KLRG1: variants seen among roughly 807,000 people sequenced by gnomAD.
KLRG1 encodes killer cell lectin like receptor G1.
KLRG1 carries 16 observed loss-of-function variants against 21.8 expected under a neutral mutation model. The ratio of observed to expected loss-of-function variants is 0.73; its 90% CI spans 0.50 to 1.11. KLRG1 has a LOEUF of 1.11. Among genes scored for constraint, KLRG1 ranks in the 50% most tolerant of loss-of-function variants. KLRG1 has a pLI of 0.00. For missense variants in KLRG1, 173 were observed against 218.3 expected, an observed-to-expected ratio of 0.79 and a Z score of 1.31; for synonymous variants, 69 against 75.9, an observed-to-expected ratio of 0.91 and a Z score of 0.47.
At chr12:9,023,225 G>A in the KLRG1 span, among the ~76,000 whole-genome samples, 1 of 152,314 alleles carries the variant, frequency 6.6e-6, no homozygotes, top group Admixed American at 6.5e-5. Context: ...TCTCCAGGTA[G>A]ATAGTATCGG....
intron 1 of KLRG1, among the ~76,000 whole-genome samples, chr12:8,976,557 G>A (rs114362340): frequency 3.9e-5 from 6 of 152,164 alleles, no homozygotes; most frequent in African/African-American, 7.2e-5. Flanking sequence ...GAAAGTGGGG[G>A]TAGTGAGGTC....
intron 1 of KLRG1, among the ~76,000 whole-genome samples, chr12:8,959,820 T>A (rs1203890153): frequency 3.3e-5 from 5 of 152,214 alleles, no homozygotes; most frequent in African/African-American, 1.2e-4. Flanking sequence ...TTGTGAAAAA[T>A]TTATTTTGTG....
At chr12:9,152,242 G>C in the KLRG1 span, 1 of 1,610,524 alleles carries the variant, frequency 6.2e-7, no homozygotes, top group South Asian at 1.1e-5. Flanking sequence ...TGGTTTCAGG[G>C]GAATAAAACC....
intron 1 of KLRG1, among the ~76,000 whole-genome samples, chr12:8,966,969 A>G (rs1280965617): frequency 3.6e-4 from 54 of 148,098 alleles, no homozygotes; most frequent in Middle Eastern, 3.5e-3. Flanking sequence ...GATTAAGAAA[A>G]TGTGGCACAT....
chr12:8,979,531 T>G (rs1448193932), intron 1 of KLRG1, among the ~76,000 whole-genome samples: 3 of 152,208 alleles, frequency 2.0e-5, no homozygotes, highest in African/African-American at 7.2e-5. Flanking sequence ...TTATAATGTG[T>G]CTAGGTGTAG....
chr12:9,163,689 G>A, the KLRG1 span: 6 of 1,613,806 alleles, frequency 3.7e-6, no homozygotes, highest in Non-Finnish European at 5.1e-6. Flanking sequence ...GGGTTTTGAT[G>A]ACTGTGTCTT....
the KLRG1 span, chr12:9,203,665 A>G: frequency 1.5e-6 from 2 of 1,379,212 alleles, no homozygotes; most frequent in East Asian, 2.3e-5. Flanking sequence ...TACATTCTTA[A>G]AGTCATACCT....
the KLRG1 span, chr12:9,095,098 T>G: frequency 7.5e-7 from 1 of 1,340,596 alleles, no homozygotes; most frequent in African/African-American, 1.5e-5. Flanking sequence ...CAAAGAAAAT[T>G]ATCATCTAAT....
At chr12:9,112,124 A>G in the KLRG1 span, 1 of 1,608,934 alleles carries the variant, frequency 6.2e-7, no homozygotes, top group Non-Finnish European at 8.5e-7. Flanking sequence ...CTGTTTATAC[A>G]GACAATCATT....
intron 1 of KLRG1, among the ~76,000 whole-genome samples, chr12:8,968,292 A>T (rs1946512146): frequency 6.7e-6 from 1 of 149,500 alleles, no homozygotes; most frequent in Non-Finnish European, 1.5e-5. Context: ...ATACAAAGAG[A>T]GTTGGAGTGC....
intron 1 of KLRG1, among the ~76,000 whole-genome samples, chr12:8,980,455 A>C (rs1301375946): frequency 6.6e-6 from 1 of 151,942 alleles, no homozygotes; most frequent in East Asian, 1.9e-4. Flanking sequence ...ATATTTTCTT[A>C]ATTTTTTATG....
chr12:9,068,718 C>A, the KLRG1 span: 2 of 1,535,666 alleles, frequency 1.3e-6, no homozygotes, highest in Non-Finnish European at 1.8e-6. Context: ...AATATTTCTA[C>A]GTGAAAATCA....
the KLRG1 span, chr12:9,112,289 C>A: frequency 2.7e-5 from 43 of 1,605,830 alleles, no homozygotes; most frequent in South Asian, 8.8e-5. Flanking sequence ...ATTAAGGAAC[C>A]AAGATTATAG....
chr12:9,136,953 C>A, the KLRG1 span, among the ~76,000 whole-genome samples: 38,445 of 151,974 alleles, frequency 0.25, 5,590 homozygotes, highest in Admixed American at 0.33. Context: ...ACATGGTTTG[C>A]AAATATTTTC....
the KLRG1 span, chr12:9,160,090 G>C: frequency 6.9e-7 from 1 of 1,453,712 alleles, no homozygotes; most frequent in Non-Finnish European, 9.6e-7. Context: ...CATATGTTTA[G>C]GCTCATGCAT....
At chr12:8,961,197 C>G (rs1234079193) in intron 1 of KLRG1, among the ~76,000 whole-genome samples, 2 of 152,178 alleles carry the variant, frequency 1.3e-5, no homozygotes, top group East Asian at 3.8e-4. Context: ...TCTCATGTTG[C>G]TTGCTACACT....
Position 8,958,966 on chromosome 12 carries a change from G to A in KLRG1, c.-156+8730G>A, listed in dbSNP as rs149992073. ...GTTGAGTCTTATAATTCATGAATAT[G>A]AAACCACCTTTGCAGAACTATAAGT... is the stretch of plus-strand genomic sequence containing the variant. On this transcript the variant is annotated intron_variant, in intron 1 of 4. Transcript: ENST00000539240. Among the ~76,000 whole-genome samples the A allele has an allele frequency of 4.7e-3, 722 of 152,238 alleles. 12 individuals carry two copies. Among genetic ancestry groups the A allele is most frequent in the African/African-American group, 0.017 (688 of 41,528 alleles).
Position 9,010,089 on chromosome 12 carries a change from G to T in KLRG1, c.*552G>T. On this transcript the variant is annotated 3_prime_UTR_variant, in exon 5 of 5. Transcript: ENST00000356986. ...TAGTCCTAGCTATTTGGGAAGCTGA[G>T]GTGGGAGGGTCGCTTGAGCCCAGGA... 1 of 1,382,678 alleles carries T rather than the reference G, an allele frequency of 7.2e-7. No individual in the cohort carries two copies. Among genetic ancestry groups the T allele is most frequent in the South Asian group, 1.2e-5 (1 of 80,490 alleles). 85.7% of individuals were successfully genotyped at this position (1,382,678 alleles called of 1,614,324 possible).
the KLRG1 span, among the ~76,000 whole-genome samples, chr12:9,061,978 G>A: frequency 5.3e-5 from 8 of 151,670 alleles, no homozygotes; most frequent in Admixed American, 4.6e-4. Context: ...TTTATATAGT[G>A]TATAAAAAAT....
Sources: allele counts gnomAD v4.1 joint callset (sites outside exome capture counted in the v4.1 genomes callset), GRCh38; gene constraint gnomAD v4.1.1; transcripts MANE v1.5; gene names NCBI Gene and HGNC (gene_info 2026-07-23, HGNC 2026-07-21).